Variants in QKI observed in about 807,000 individuals in gnomAD.
QKI encodes QKI, KH domain containing RNA binding, also known as KH domain-containing RNA-binding protein QKI.
In QKI, 10 loss-of-function variants were observed where a neutral mutation model predicts 39.0. That is an observed-to-expected ratio of 0.26 (90% CI 0.16 to 0.43). QKI has a LOEUF of 0.43. Among genes scored for constraint, QKI ranks in the 20% least tolerant of loss-of-function variants. The probability of loss-of-function intolerance (pLI) is 1.00; values close to 1 mark genes in which losing one functional copy is unlikely to be tolerated. For synonymous variants in QKI, 204 were observed against 155.4 expected, an observed-to-expected ratio of 1.31 and a Z score of -2.33; for missense variants, 218 against 428.0, an observed-to-expected ratio of 0.51 and a Z score of 4.33.
intron 3 of QKI, among the ~76,000 whole-genome samples, chr6:163,488,076 C>T (rs969816057): frequency 2.6e-5 from 4 of 152,102 alleles, no homozygotes; most frequent in African/African-American, 7.2e-5. Flanking sequence ...GGTATCACTA[C>T]GAATGCATTT....
chr6:163,463,187 A>T (rs1034338993), intron 2 of QKI, among the ~76,000 whole-genome samples: 1 of 152,196 alleles, frequency 6.6e-6, no homozygotes. Flanking sequence ...AAAACTAACC[A>T]TGAATTTTTC....
intron 3 of QKI, among the ~76,000 whole-genome samples, chr6:163,505,493 C>T (rs1448826824): frequency 6.6e-6 from 1 of 152,154 alleles, no homozygotes; most frequent in East Asian, 1.9e-4. Context: ...GCTGTGGGAG[C>T]CCATCCCTTG....
chr6:163,567,733 A>G, intron 7 of QKI: 10 of 983,764 alleles, frequency 1.0e-5, no homozygotes, highest in Non-Finnish European at 1.2e-5. Flanking sequence ...GTAAAAAAGG[A>G]TTTTTTACAA....
chr6:163,482,814 G>T (rs988800584), intron 3 of QKI, among the ~76,000 whole-genome samples: 2 of 141,476 alleles, frequency 1.4e-5, no homozygotes, highest in Non-Finnish European at 3.1e-5. Context: ...CTGTTTTTTT[G>T]TGGAGGTTTC....
chr6:163,427,011 A>C (rs1050306357), intron 1 of QKI, among the ~76,000 whole-genome samples: 1 of 152,156 alleles, frequency 6.6e-6, no homozygotes. Flanking sequence ...CTGGGGCACA[A>C]GGCTTCCCTT....
rs1783740170 is a variant in QKI at position 163,572,378 on chromosome 6, A to G, written c.*1668A>G. ...GAAAACAATGTTTTAAATCACCCAA[A>G]TTTAATCACATGTCTTTATATCATA... On this transcript the variant is annotated 3_prime_UTR_variant, in exon 8 of 8. Transcript: ENST00000361752. 6.6e-6 allele frequency: 1 copy of G among 152,216 alleles called. No homozygotes were observed. Among genetic ancestry groups the G allele is most frequent in the South Asian group, 2.1e-4 (1 of 4,834 alleles). 9.4% of individuals were successfully genotyped at this position (152,216 alleles called of 1,614,324 possible). A position where few individuals can be genotyped will look rare whatever the true frequency, so the allele number is the denominator to read the frequency against.
intron 2 of QKI, among the ~76,000 whole-genome samples, chr6:163,469,575 C>T (rs1792033228): frequency 6.6e-6 from 1 of 152,172 alleles, no homozygotes; most frequent in African/African-American, 2.4e-5. Context: ...CTCAATCCTT[C>T]ACATTTACTT....
intron 1 of QKI, among the ~76,000 whole-genome samples, chr6:163,443,156 A>G (rs1026765928): frequency 9.2e-5 from 14 of 152,218 alleles, no homozygotes; most frequent in Non-Finnish European, 1.6e-4. Flanking sequence ...GCACTGTGTA[A>G]TATGTTGGTC....
intron 1 of QKI, among the ~76,000 whole-genome samples, chr6:163,426,587 C>G (rs1788425300): frequency 6.6e-6 from 1 of 152,100 alleles, no homozygotes; most frequent in Non-Finnish European, 1.5e-5. Context: ...AACATTCACA[C>G]CTGGTTTTGA....
chr6:163,564,610 A>G, intron 6 of QKI: 8 of 1,612,964 alleles, frequency 5.0e-6, no homozygotes, highest in Non-Finnish European at 6.8e-6. Flanking sequence ...GCTTGGTTTT[A>G]CATGAACAAA....
At chr6:163,520,817 T>A (rs1780106743) in intron 3 of QKI, among the ~76,000 whole-genome samples, 1 of 152,208 alleles carries the variant, frequency 6.6e-6, no homozygotes, top group Non-Finnish European at 1.5e-5. Flanking sequence ...CTATCACTTT[T>A]TATAGTTTTG....
intron 2 of QKI, among the ~76,000 whole-genome samples, chr6:163,470,929 AGAG>A (rs147678954): frequency 3.6e-4 from 55 of 152,254 alleles, no homozygotes; most frequent in African/African-American, 1.3e-3. Flanking sequence ...TATTAGAAGA[AGAG>A]GAGAGGTGGA....
intron 2 of QKI, among the ~76,000 whole-genome samples, chr6:163,467,474 A>G (rs1791854605): frequency 6.6e-6 from 1 of 152,178 alleles, no homozygotes; most frequent in Non-Finnish European, 1.5e-5. Context: ...TCCACTTTCT[A>G]TTTCAACATG....
chr6:163,562,159 A>T (rs745330272), intron 5 of QKI, 90 bp downstream of exon 5: 114 of 810,136 alleles, frequency 1.4e-4, no homozygotes, highest in Non-Finnish European at 2.0e-4. Context: ...ATAATAGTTC[A>T]TACAAAGTGA....
At chr6:163,481,516 GCTTAGGTGTAC>G (rs1440926750) in intron 3 of QKI, among the ~76,000 whole-genome samples, 1 of 152,118 alleles carries the variant, frequency 6.6e-6, no homozygotes, top group Admixed American at 6.5e-5. Context: ...TAAATGAAAG[GCTTAGGTGTAC>G]CTTCCCTCAT....
In QKI at chr6:163,561,706, TA is replaced by T. The variant is rs202032628; in HGVS notation, c.547-272del. Among the ~76,000 whole-genome samples the T allele has an allele frequency of 4.5e-3, 688 of 152,348 alleles. 6 individuals carry two copies. The highest frequency in any genetic ancestry group is 0.016 in the African/African-American group (655 of 41,570). Reference sequence around the variant, plus strand: ...TCTCACATTTTCATTCATTTCTATTTAAAAGTAAAGCTTTTTAGGGGAACTT... The same window carrying T: ...TCTCACATTTTCATTCATTTCTATTTAAAGTAAAGCTTTTTAGGGGAACTT... On this transcript the variant is annotated intron_variant, in intron 4 of 7. Transcript: ENST00000361752.
intron 3 of QKI, among the ~76,000 whole-genome samples, chr6:163,512,477 C>G (rs1779545618): frequency 6.6e-6 from 1 of 151,990 alleles, no homozygotes; most frequent in Admixed American, 6.6e-5. Context: ...CTCTGTGTAT[C>G]AAGTAACATA....
chr6:163,539,652 A>G (rs1781397876), intron 4 of QKI, among the ~76,000 whole-genome samples: 1 of 152,174 alleles, frequency 6.6e-6, no homozygotes, highest in Non-Finnish European at 1.5e-5. Flanking sequence ...GGCAGAGTTA[A>G]TTAACTTGTG....
intron 3 of QKI, among the ~76,000 whole-genome samples, chr6:163,484,283 A>G (rs926986126): frequency 2.0e-5 from 3 of 151,248 alleles, no homozygotes; most frequent in South Asian, 2.1e-4. Context: ...GGTCACTGCA[A>G]CCTCCGCCTT....
Sources: allele counts gnomAD v4.1 joint callset (sites outside exome capture counted in the v4.1 genomes callset), GRCh38; gene constraint gnomAD v4.1.1; transcripts MANE v1.5; gene names NCBI Gene and HGNC (gene_info 2026-07-23, HGNC 2026-07-21).